SUSD5: variants seen among roughly 807,000 people sequenced by gnomAD.
The protein encoded by SUSD5 is sushi domain containing 5, also known as sushi domain-containing protein 5.
SUSD5 carries 33 observed loss-of-function variants against 29.5 expected under a neutral mutation model. That is an observed-to-expected ratio of 1.12 (90% CI 0.85 to 1.49). The LOEUF is 1.49. Among genes scored for constraint, SUSD5 ranks in the 40% most tolerant of loss-of-function variants. The pLI is 0.00. For synonymous variants in SUSD5, 308 were observed against 325.3 expected (o/e 0.95, Z 0.57); for missense variants, 776 against 800.6 (o/e 0.97, Z 0.37).
intron 4 of SUSD5, among the ~76,000 whole-genome samples, chr3:33,161,745 G>A (rs775825818): frequency 6.6e-6 from 1 of 152,048 alleles, no homozygotes; most frequent in African/African-American, 2.4e-5. Flanking sequence ...GATAAAGAAG[G>A]CTCTTTCATA....
chr3:33,153,794 G>T lies in SUSD5; in HGVS notation c.838C>A (p.Pro280Thr), dbSNP rs2030979503. The T allele has an allele frequency of 6.2e-7, 1 of 1,613,902 alleles. No homozygotes were observed. Residue 280 changes from proline (P) to threonine (T), a missense_variant, in exon 5 of 5, where the codon CCC (proline) becomes ACC (threonine). Coordinates refer to ENST00000309558, the MANE Select transcript of SUSD5 (RefSeq NM_015551.2). ...TGLPGAGSSVPADSPGSRLLQ... is the reference protein window; with the variant it reads ...TGLPGAGSSVTADSPGSRLLQ... ...AGCCGTGATCCTGGTGAATCTGCGG[G>T]GACACTGCTCCCAGCACCAGGCAAG...
chr3:33,158,279 G>A (rs2031099885), intron 4 of SUSD5, among the ~76,000 whole-genome samples: 2 of 152,096 alleles, frequency 1.3e-5, no homozygotes, highest in Non-Finnish European at 2.9e-5. Flanking sequence ...ACACCCCGAA[G>A]ACCCTCTGAA....
rs1433871537 is a variant in SUSD5, at chr3:33,175,147, A to G, written c.410-73T>C. 2.4e-5 allele frequency: 36 copies of G among 1,508,044 alleles called. 1 individual carries two copies. The highest frequency in any genetic ancestry group is 3.2e-5 in the Non-Finnish European group (35 of 1,102,000). The allele number at this position is 1,508,044 out of a possible 1,614,324, so 93.4% of individuals were successfully genotyped here. A position where few individuals can be genotyped will look rare whatever the true frequency, so the allele number is the denominator to read the frequency against. On this transcript the variant is annotated intron_variant, in intron 3 of 4. Transcript: ENST00000309558. Reference sequence around the variant, plus strand: ...TTTCAGCCTATGAGAAAACAGACTTAAAACACAACTCTCCCCTGCCGCCCA... The same window carrying G: ...TTTCAGCCTATGAGAAAACAGACTTGAAACACAACTCTCCCCTGCCGCCCA...
intron 3 of SUSD5, among the ~76,000 whole-genome samples, chr3:33,205,474 T>C (rs1047989594): frequency 3.0e-4 from 46 of 152,236 alleles, no homozygotes; most frequent in African/African-American, 1.0e-3. Context: ...ACTGAATCAA[T>C]GTGTTCCTCT....
intron 4 of SUSD5, among the ~76,000 whole-genome samples, chr3:33,170,335 T>C (rs12496508): frequency 0.086 from 13,156 of 152,192 alleles, 693 homozygotes; most frequent in East Asian, 0.17. Flanking sequence ...ACCAAGAACA[T>C]GTGTGGATTT....
chr3:33,202,114 T>C lies in SUSD5; in HGVS notation c.409+5694A>G, dbSNP rs2032133265. Among the ~76,000 whole-genome samples, 4 of 152,024 alleles carry C rather than the reference T, an allele frequency of 2.6e-5. No individual in the cohort carries two copies. In the South Asian group the frequency reaches 6.2e-4, roughly 24 times the overall value. On this transcript the variant is annotated intron_variant, in intron 3 of 4. Coordinates refer to ENST00000309558, the MANE Select transcript of SUSD5 (RefSeq NM_015551.2). Reference sequence around the variant, plus strand: ...ATCATCTATCTGAAGCACCCACAAGTCTGAGCATTGGACTTTGCCTGACCC... The same window carrying C: ...ATCATCTATCTGAAGCACCCACAAGCCTGAGCATTGGACTTTGCCTGACCC...
chr3:33,181,015 TA>T (rs1162053400), intron 3 of SUSD5, among the ~76,000 whole-genome samples: 2 of 149,860 alleles, frequency 1.3e-5, no homozygotes, highest in Admixed American at 1.3e-4. Context: ...ATTTAAAAAA[TA>T]AAAAAAGTAT....
In SUSD5 at chr3:33,167,481, G is replaced by T. The variant is rs1223413858; in HGVS notation, c.598+7405C>A. Among the ~76,000 whole-genome samples, 2 of 152,012 alleles carry T rather than the reference G, an allele frequency of 1.3e-5. No homozygotes were observed. The highest frequency in any genetic ancestry group is 4.8e-5 in the African/African-American group (2 of 41,388). ...TGTGTGTATGTGTGTGTGTGTCTCTGTATGGGTGTCTAAGGTTCTGCCTCC... is the reference window on the plus strand; with the variant it reads ...TGTGTGTATGTGTGTGTGTGTCTCTTTATGGGTGTCTAAGGTTCTGCCTCC... On this transcript the variant is annotated intron_variant, in intron 4 of 4. Coordinates refer to ENST00000309558, the MANE Select transcript of SUSD5 (RefSeq NM_015551.2). This position sits in a 1 kb window ranked among gnomAD's most constrained non-coding sequence, Gnocchi z 4.1.
At chr3:33,190,861 C>A (rs80207834) in intron 3 of SUSD5, among the ~76,000 whole-genome samples, 33,453 of 151,988 alleles carry the variant, frequency 0.22, 4,378 homozygotes, top group East Asian at 0.44. Context: ...GACTTTGTTA[C>A]ACCCACTTTT....
At chr3:33,207,705 T>C (rs986093263) in intron 3 of SUSD5, 103 bp downstream of exon 3, 4 of 673,454 alleles carry the variant, frequency 5.9e-6, no homozygotes, top group Non-Finnish European at 9.9e-6. Flanking sequence ...AAACCATGTC[T>C]AGTAAATCCT....
chr3:33,150,332 T>G lies in SUSD5; in HGVS notation c.*2410A>C, dbSNP rs1328580139. 1 of 152,128 alleles carries G rather than the reference T, an allele frequency of 6.6e-6. No individual in the cohort carries two copies. Among genetic ancestry groups the G allele is most frequent in the Non-Finnish European group, 1.5e-5 (1 of 68,016 alleles). 9.4% of individuals were successfully genotyped at this position (152,128 alleles called of 1,614,324 possible). The stretch of plus-strand genomic sequence containing the variant: ...CCTGTATTAATAATTTGTAATAAAT[T>G]TATTAATACACTGTATTAATAATTT... On this transcript the variant is annotated 3_prime_UTR_variant, in exon 5 of 5. Transcript: ENST00000309558.
At chr3:33,192,084 T>A (rs1027295707) in intron 3 of SUSD5, among the ~76,000 whole-genome samples, 2 of 151,766 alleles carry the variant, frequency 1.3e-5, no homozygotes, top group African/African-American at 4.8e-5. Flanking sequence ...CGCATATTTT[T>A]TTTTTTTGAG....
intron 4 of SUSD5, among the ~76,000 whole-genome samples, chr3:33,163,719 C>T (rs1181611759): frequency 2.6e-5 from 4 of 152,084 alleles, no homozygotes; most frequent in African/African-American, 7.2e-5. Flanking sequence ...AAAAAATGGC[C>T]GGGTGCGGTG....
intron 3 of SUSD5, among the ~76,000 whole-genome samples, chr3:33,178,144 T>C (rs1235035086): frequency 6.6e-6 from 1 of 152,212 alleles, no homozygotes; most frequent in Non-Finnish European, 1.5e-5. Flanking sequence ...ATGTTTTCTA[T>C]TGAGTTGAAG....
intron 4 of SUSD5, among the ~76,000 whole-genome samples, chr3:33,155,288 CCAGA>C (rs2031025295): frequency 6.6e-6 from 1 of 152,170 alleles, no homozygotes; most frequent in Admixed American, 6.5e-5. Flanking sequence ...TGGGACATCA[CCAGA>C]AAGATATCAG....
chr3:33,195,073 T>C (rs1208910527), intron 3 of SUSD5, among the ~76,000 whole-genome samples: 7 of 152,126 alleles, frequency 4.6e-5, no homozygotes, highest in Non-Finnish European at 1.0e-4. Flanking sequence ...TGCACACCTG[T>C]AGTCCCAGCT....
intron 1 of SUSD5, among the ~76,000 whole-genome samples, chr3:33,217,802 T>C (rs1338629904): frequency 2.6e-5 from 4 of 152,186 alleles, no homozygotes; most frequent in South Asian, 2.1e-4. Context: ...TTTTCTCTTT[T>C]ATCAGTCTAA....
Position 33,153,569 on chromosome 3 carries a change from C to A in SUSD5, c.1063G>T (p.Asp355Tyr), listed in dbSNP as rs764556693. 1 of 1,614,046 alleles carries A rather than the reference C, an allele frequency of 6.2e-7. No homozygotes were observed. The highest frequency in any genetic ancestry group is 1.1e-5 in the South Asian group (1 of 91,080). The change falls in exon 5 of 5, where the codon GAC (aspartate) becomes TAC (tyrosine). Residue 355 changes from aspartate (D) to tyrosine (Y), a missense_variant. Asp to Tyr is a radical substitution (Grantham distance 160). Coordinates refer to ENST00000309558, the MANE Select transcript of SUSD5 (RefSeq NM_015551.2). ...ACCACTGGATCTCCTGCCTTGCTGT[C>A]ATTCTTGCCCACAAATGGCCCCGAG... ...GPSGPFVGKN[D>Y]SKAGDPVVSS...
intron 4 of SUSD5, among the ~76,000 whole-genome samples, chr3:33,168,294 TA>T (rs1226639963): frequency 2.0e-5 from 3 of 152,136 alleles, no homozygotes; most frequent in African/African-American, 4.8e-5. Flanking sequence ...ATAGTAATTT[TA>T]AAAAAGACAA....
Sources: gnomAD v4.1 joint callset for allele counts (sites outside exome capture counted in the v4.1 genomes callset) on GRCh38, gnomAD v4.1.1 for gene constraint, Gnocchi (gnomAD v3.1) non-coding constraint, MANE v1.5 for transcripts, NCBI Gene and HGNC (gene_info 2026-07-23, HGNC 2026-07-21) for gene names.